Variants in HEATR5A observed in about 807,000 individuals in gnomAD.
HEATR5A encodes HEAT repeat containing 5A.
In HEATR5A, 178 loss-of-function variants were observed where a neutral mutation model predicts 218.8. The ratio of observed to expected loss-of-function variants is 0.81; its 90% CI spans 0.72 to 0.92. The LOEUF is 0.92. HEATR5A is among the 40% of genes least tolerant of loss of function. HEATR5A has a pLI of 0.00. For missense variants in HEATR5A, 2,420 were observed against 2,418.9 expected (o/e 1.00, Z -0.01); for synonymous variants, 864 against 871.6 (o/e 0.99, Z 0.15).
At position 31,291,889 on chromosome 14, in the gene HEATR5A, T is replaced by G. The variant is rs973852098; in HGVS notation, c.*1416A>C. ...TCTGAACAATTTACAATAGTATTTA[T>G]ATACAAACATAATAAAATAGGTACA... On this transcript the variant is annotated 3_prime_UTR_variant, in exon 36 of 36. Transcript: ENST00000543095. 1.3e-5 allele frequency: 2 copies of G among 152,168 alleles called. No individual in the cohort carries two copies. Among genetic ancestry groups the G allele is most frequent in the Non-Finnish European group, 2.9e-5 (2 of 68,046 alleles). 9.4% of individuals were successfully genotyped at this position (152,168 alleles called of 1,614,324 possible).
chr14:31,326,137 T>C lies in HEATR5A; in HGVS notation c.3547+26A>G. 1.9e-6 allele frequency: 3 copies of C among 1,577,870 alleles called. No individual in the cohort carries two copies. The South Asian group carries it at 3.3e-5, about 18-fold the overall frequency. On this transcript the variant is annotated intron_variant, in intron 23 of 35. Transcript: ENST00000543095. ...AAGTTTCAAATTTCAATTTTATTAT[T>C]TTAACTGATAATGTCCAATACTTAC...
intron 20 of HEATR5A, among the ~76,000 whole-genome samples, chr14:31,344,353 C>A (rs755632019): frequency 2.0e-4 from 27 of 135,804 alleles, no homozygotes; most frequent in Non-Finnish European, 3.2e-4. Flanking sequence ...TTTCGGCTCA[C>A]AGCAACCCCC....
chr14:31,383,387 A>C, intron 10 of HEATR5A, 134 bp downstream of exon 10: 1 of 789,250 alleles, frequency 1.3e-6, no homozygotes, highest in Non-Finnish European at 2.0e-6. Flanking sequence ...TCTAAAATAA[A>C]ATTGTAAATG....
At chr14:31,379,374 C>T (rs1012381384) in intron 11 of HEATR5A, among the ~76,000 whole-genome samples, 4 of 152,068 alleles carry the variant, frequency 2.6e-5, no homozygotes, top group African/African-American at 9.7e-5. Flanking sequence ...CCTCAGCTTC[C>T]CGAGTAGCTG....
intron 1 of HEATR5A, among the ~76,000 whole-genome samples, chr14:31,419,987 C>T (rs1353533412): frequency 1.3e-5 from 2 of 152,244 alleles, no homozygotes. Context: ...AGGAAGCTCG[C>T]CCGAAGGCCG....
intron 34 of HEATR5A, 105 bp from the exon 35 acceptor site, chr14:31,294,209 C>T (rs1899104080): frequency 4.0e-6 from 3 of 753,182 alleles, no homozygotes; most frequent in Non-Finnish European, 6.4e-6. Context: ...AAATTTATTT[C>T]TAATTTGTGT....
At position 31,293,435 on chromosome 14, in the gene HEATR5A, G is replaced by A. The variant is rs1899079027; in HGVS notation, c.6011C>T (p.Ala2004Val). 6.2e-7 allele frequency: 1 copy of A among 1,613,838 alleles called. No individual in the cohort carries two copies. Among genetic ancestry groups the A allele is most frequent in the South Asian group, 1.1e-5 (1 of 91,088 alleles). ...VFKSLVASSP[A>V]LKARLEAAIK... ...AGCAGCCTCAAGGCGGGCTTTTAGG[G>A]CTGGAGAAGAAGCCACTAAACTTTT... Residue 2004 changes from alanine to valine, a missense_variant, in exon 36 of 36, where the codon GCC becomes GTC. Ala to Val is a moderately conservative substitution (Grantham distance 64). Transcript: ENST00000543095.
chr14:31,364,279 T>G lies in HEATR5A; in HGVS notation c.1981A>C (p.Met661Leu), dbSNP rs963954528. The change falls in exon 14 of 36, where the codon ATG becomes CTG. Residue 661 changes from methionine (M) to leucine (L), a missense_variant. Met to Leu is a conservative substitution (Grantham distance 15). Transcript: ENST00000543095. ...GGTGTTTTCAAAGGACTTCCATACA[T>G]TTTTAGTATTGAAGAAAGCCTTAAA... The part of the protein sequence containing the change: ...LLTQLSSILK[M>L]YGSPLKTPSV... The G allele has an allele frequency of 5.6e-5, 85 of 1,528,112 alleles. No individual in the cohort carries two copies. Among genetic ancestry groups the G allele is most frequent in the Non-Finnish European group, 7.4e-5 (83 of 1,127,228 alleles). The allele number at this position is 1,528,112 out of a possible 1,614,324, so 94.7% of individuals were successfully genotyped here.
chr14:31,355,635 G>GAGGC (rs776360179), intron 16 of HEATR5A, among the ~76,000 whole-genome samples: 9 of 152,134 alleles, frequency 5.9e-5, no homozygotes, highest in Non-Finnish European at 1.2e-4. Context: ...TTGGGAGGCT[G>GAGGC]AGGCAGGAGA....
chr14:31,299,258 A>G (rs973899136), intron 33 of HEATR5A, among the ~76,000 whole-genome samples: 14 of 152,198 alleles, frequency 9.2e-5, no homozygotes, highest in African/African-American at 3.1e-4. Context: ...AAATCAAACT[A>G]TCAGTAAGTT....
intron 2 of HEATR5A, 140 bp downstream of exon 2, chr14:31,402,710 G>T: frequency 1.3e-6 from 1 of 752,186 alleles, no homozygotes; most frequent in Non-Finnish European, 2.0e-6. Flanking sequence ...AACAAAAAAT[G>T]TAATATACTT....
chr14:31,351,610 A>G (rs1423439251), intron 16 of HEATR5A, among the ~76,000 whole-genome samples: 3 of 152,110 alleles, frequency 2.0e-5, no homozygotes, highest in African/African-American at 7.2e-5. Context: ...TATAGTCCCA[A>G]GTATATTTTC....
intron 13 of HEATR5A, among the ~76,000 whole-genome samples, chr14:31,365,087 G>C (rs1236999003): frequency 1.3e-5 from 2 of 151,612 alleles, no homozygotes; most frequent in African/African-American, 4.9e-5. Flanking sequence ...ATTGGCCAGG[G>C]TGGTCTTGGA....
At chr14:31,397,193 A>C (rs1410537185) in intron 4 of HEATR5A, among the ~76,000 whole-genome samples, 1 of 152,050 alleles carries the variant, frequency 6.6e-6, no homozygotes, top group Non-Finnish European at 1.5e-5. Flanking sequence ...TTTTTATTGG[A>C]ATTTTCCCAT....
intron 4 of HEATR5A, 50 bp downstream of exon 4, chr14:31,398,623 C>A: frequency 1.0e-6 from 1 of 978,744 alleles, no homozygotes; most frequent in South Asian, 1.5e-5. Flanking sequence ...AAAGCATAAA[C>A]CAATAAAATG....
At chr14:31,325,687 A>T (rs10137900) in intron 23 of HEATR5A, among the ~76,000 whole-genome samples, 5,832 of 151,202 alleles carry the variant, frequency 0.039, 228 homozygotes, top group African/African-American at 0.1. Context: ...TAAAAAAAAA[A>T]TTTTTTTTTG....
intron 26 of HEATR5A, among the ~76,000 whole-genome samples, chr14:31,317,719 T>C (rs1195685191): frequency 1.3e-5 from 2 of 152,182 alleles, no homozygotes; most frequent in Non-Finnish European, 2.9e-5. Context: ...AAATCTAAAC[T>C]ATCCTGAGAC....
intron 19 of HEATR5A, 82 bp from the exon 20 acceptor site, chr14:31,345,358 A>G: frequency 9.0e-7 from 1 of 1,107,872 alleles, no homozygotes; most frequent in Non-Finnish European, 1.3e-6. Context: ...CTTTTGTTGA[A>G]GCAAGTGATA....
At chr14:31,387,446 T>C (rs1388734609) in intron 7 of HEATR5A, 71 bp from the exon 8 acceptor site, 4 of 1,071,084 alleles carry the variant, frequency 3.7e-6, no homozygotes, top group East Asian at 2.6e-5. Context: ...ACAAAACATG[T>C]AGCATTTATT....
Sources: allele counts gnomAD v4.1 joint callset (sites outside exome capture counted in the v4.1 genomes callset), GRCh38; gene constraint gnomAD v4.1.1; transcripts MANE v1.5; gene names NCBI Gene and HGNC (gene_info 2026-07-23, HGNC 2026-07-21).